Variants in KHDRBS2 observed in about 807,000 individuals in gnomAD.
KHDRBS2 encodes KH domain-containing, RNA-binding, signal transduction-associated protein 2.
Under a neutral mutation model 44.3 loss-of-function variants are expected in KHDRBS2, and 26 were observed. The ratio of observed to expected loss-of-function variants is 0.59; its 90% CI spans 0.43 to 0.81. KHDRBS2 has a LOEUF of 0.81. KHDRBS2 is among the 40% of genes least tolerant of loss of function. The pLI, the probability that KHDRBS2 is intolerant of heterozygous loss-of-function variation, is 0.00. For synonymous variants in KHDRBS2, 194 were observed against 151.1 expected (o/e 1.28, Z -2.08); for missense variants, 476 against 433.1 (o/e 1.10, Z -0.88).
intron 1 of KHDRBS2, among the ~76,000 whole-genome samples, chr6:62,274,975 C>A (rs1231518477): frequency 1.3e-5 from 2 of 149,302 alleles, no homozygotes; most frequent in African/African-American, 2.5e-5. Flanking sequence ...GTATGCTTAA[C>A]AAACACAATA....
At chr6:62,030,483 G>T (rs1179294339) in intron 3 of KHDRBS2, among the ~76,000 whole-genome samples, 2 of 151,918 alleles carry the variant, frequency 1.3e-5, no homozygotes, top group Non-Finnish European at 2.9e-5. Flanking sequence ...TAGGGAATGA[G>T]AATCAAGTTA....
chr6:61,780,886 G>C (rs1474854134), intron 6 of KHDRBS2, among the ~76,000 whole-genome samples: 4 of 152,272 alleles, frequency 2.6e-5, no homozygotes, highest in African/African-American at 9.6e-5. Flanking sequence ...TCTGAAACCA[G>C]TTTGTGTTTT....
intron 4 of KHDRBS2, among the ~76,000 whole-genome samples, chr6:61,954,082 C>T (rs181500391): frequency 3.9e-5 from 6 of 152,228 alleles, no homozygotes; most frequent in African/African-American, 1.4e-4. Flanking sequence ...AATATTCTGG[C>T]AGAGGGAGGC....
chr6:62,018,415 C>G (rs1480182257), intron 3 of KHDRBS2, among the ~76,000 whole-genome samples: 6 of 151,696 alleles, frequency 4.0e-5, no homozygotes, highest in East Asian at 3.9e-4. Flanking sequence ...TGTAGTGGCA[C>G]GAACTCACCG....
chr6:62,191,568 A>G (rs1563034470), intron 1 of KHDRBS2, among the ~76,000 whole-genome samples: 1 of 152,010 alleles, frequency 6.6e-6, no homozygotes. Context: ...CACATTTATT[A>G]TTTTTCACTC....
intron 2 of KHDRBS2, among the ~76,000 whole-genome samples, chr6:62,113,699 T>A (rs1014732370): frequency 2.6e-5 from 4 of 152,142 alleles, no homozygotes; most frequent in African/African-American, 9.7e-5. Context: ...ATTTGCTATT[T>A]ATCAGAAGAG....
chr6:61,865,969 C>T (rs1374924264), intron 6 of KHDRBS2, among the ~76,000 whole-genome samples: 1 of 152,212 alleles, frequency 6.6e-6, no homozygotes, highest in Non-Finnish European at 1.5e-5. Context: ...GTAAAGCCTT[C>T]CTCCCAGCTG....
chr6:61,596,158 T>A, the KHDRBS2 span, among the ~76,000 whole-genome samples: 1 of 151,982 alleles, frequency 6.6e-6, no homozygotes, highest in African/African-American at 2.4e-5. Context: ...AACAAAGACA[T>A]AAGCTCACAG....
chr6:61,580,878 C>T, the KHDRBS2 span, among the ~76,000 whole-genome samples: 1 of 152,142 alleles, frequency 6.6e-6, no homozygotes, highest in Non-Finnish European at 1.5e-5. Flanking sequence ...TTCTTGAAGT[C>T]AGCAAGACCA....
intron 2 of KHDRBS2, among the ~76,000 whole-genome samples, chr6:62,112,988 C>T (rs532193876): frequency 6.6e-6 from 1 of 152,164 alleles, no homozygotes; most frequent in African/African-American, 2.4e-5. Context: ...TATATAGCTA[C>T]CTATCATTTT....
In KHDRBS2 at chr6:61,764,193, T is replaced by C. The variant is rs138592163; in HGVS notation, c.811-31429A>G. 7.5e-4 allele frequency among the ~76,000 whole-genome samples: 114 copies of C among 152,352 alleles called. 1 individual carries two copies. The East Asian group carries it at 0.02, about 27-fold the overall frequency. ...CTTTTTAGGAGTGCATAGTATTCTG[T>C]GGTGTATATGTACCATGTTTTCTTT... is the stretch of plus-strand genomic sequence containing the variant. On this transcript the variant is annotated intron_variant, in intron 6 of 8. Coordinates refer to ENST00000281156, the MANE Select transcript of KHDRBS2 (RefSeq NM_152688.4).
chr6:61,799,160 A>G (rs1368185509), intron 6 of KHDRBS2, among the ~76,000 whole-genome samples: 1 of 152,038 alleles, frequency 6.6e-6, no homozygotes, highest in Non-Finnish European at 1.5e-5. Flanking sequence ...GTTACAAAAC[A>G]TTATGCTTTT....
chr6:61,955,071 TAC>T (rs1312521989), intron 4 of KHDRBS2, among the ~76,000 whole-genome samples: 2 of 142,994 alleles, frequency 1.4e-5, no homozygotes, highest in Admixed American at 7.0e-5. Context: ...TATACACATA[TAC>T]GTGTGTATGT....
rs116109861 is a variant in KHDRBS2 at position 61,955,610 on chromosome 6, G to A, written c.483+22456C>T. Among the ~76,000 whole-genome samples the A allele has an allele frequency of 3.1e-3, 84 of 26,982 alleles. 1 individual carries two copies. Among genetic ancestry groups the A allele is most frequent in the Admixed American group, 5.4e-3 (15 of 2,754 alleles). 17.7% of individuals were successfully genotyped at this position (26,982 alleles called of 152,430 possible). On this transcript the variant is annotated intron_variant, in intron 4 of 8. Transcript: ENST00000281156. ...TATGTATACATGTGTGTATATACAC[G>A]TATGTATGTATGCATACATGTGTAT...
Position 62,004,808 on chromosome 6 carries a change from A to T in KHDRBS2, c.337-26596T>A, listed in dbSNP as rs559911434. 1.8e-3 allele frequency among the ~76,000 whole-genome samples: 269 copies of T among 152,294 alleles called. 2 individuals are homozygous for T. The highest frequency in any genetic ancestry group is 5.8e-3 in the African/African-American group (241 of 41,562). Reference sequence around the variant, plus strand: ...AATCTGGCAACACATCAAAAAGCTTATCCACCAAGATCAAGTTGGCTTCAT... The same window carrying T: ...AATCTGGCAACACATCAAAAAGCTTTTCCACCAAGATCAAGTTGGCTTCAT... On this transcript the variant is annotated intron_variant, in intron 3 of 8. Transcript: ENST00000281156.
In KHDRBS2 at chr6:61,932,643, C is replaced by CA. The variant is rs935749561; in HGVS notation, c.484-31273dup. ...GTGAAAACCCATCTCTCTAAAAATA[C>CA]AAAAAAATTAGCCGGGCGTGGTGGT... On this transcript the variant is annotated intron_variant, in intron 4 of 8. Transcript: ENST00000281156. Among the ~76,000 whole-genome samples, 20 of 152,028 alleles carry CA rather than the reference C, an allele frequency of 1.3e-4. 1 individual carries two copies. The highest frequency in any genetic ancestry group is 7.2e-4 in the Admixed American group (11 of 15,274).
At chr6:62,197,727 C>T (rs1825988502) in intron 1 of KHDRBS2, among the ~76,000 whole-genome samples, 1 of 152,104 alleles carries the variant, frequency 6.6e-6, no homozygotes, top group South Asian at 2.1e-4. Flanking sequence ...CAGCTCTGCA[C>T]CAAGCAGACC....
chr6:61,582,982 A>G, the KHDRBS2 span, among the ~76,000 whole-genome samples: 1 of 151,870 alleles, frequency 6.6e-6, no homozygotes, highest in African/African-American at 2.4e-5. Context: ...ACAGAAAAAC[A>G]CTGGAATAGT....
At chr6:61,699,742 A>C (rs1768359255) in intron 7 of KHDRBS2, among the ~76,000 whole-genome samples, 1 of 152,042 alleles carries the variant, frequency 6.6e-6, no homozygotes, top group Admixed American at 6.6e-5. Context: ...GGCAGAGAGA[A>C]CTTTGGTCAT....
Sources: allele counts gnomAD v4.1 joint callset (sites outside exome capture counted in the v4.1 genomes callset), GRCh38; gene constraint gnomAD v4.1.1; transcripts MANE v1.5; gene names NCBI Gene and HGNC (gene_info 2026-07-23, HGNC 2026-07-21).